Variants in NRIP1 observed in about 807,000 individuals in gnomAD.
NRIP1 encodes the protein nuclear receptor interacting protein 1.
NRIP1 carries 28 observed loss-of-function variants against 75.0 expected under a neutral mutation model. That is an observed-to-expected ratio of 0.37 (90% CI 0.28 to 0.51). The LOEUF is 0.51. Ranked by LOEUF, NRIP1 falls within the 20% of genes least tolerant of loss-of-function variation. The pLI is 0.92. For missense variants in NRIP1, 1,435 were observed against 1,343.7 expected, an observed-to-expected ratio of 1.07 and a Z score of -1.06; for synonymous variants, 526 against 487.6, an observed-to-expected ratio of 1.08 and a Z score of -1.04.
intron 3 of NRIP1, among the ~76,000 whole-genome samples, chr21:15,004,423 C>T (rs1426987789): frequency 6.6e-6 from 1 of 152,186 alleles, no homozygotes; most frequent in Non-Finnish European, 1.5e-5. Context: ...AAGAAAATAT[C>T]AACCACAAAA....
intron 2 of NRIP1, among the ~76,000 whole-genome samples, chr21:15,014,716 T>C (rs1308733454): frequency 1.3e-5 from 2 of 152,156 alleles, no homozygotes; most frequent in African/African-American, 4.8e-5. Context: ...AGGTTTATAG[T>C]TGCTAGGATG....
At chr21:15,015,599 T>C (rs1357106393) in intron 2 of NRIP1, among the ~76,000 whole-genome samples, 2 of 152,076 alleles carry the variant, frequency 1.3e-5, no homozygotes, top group Non-Finnish European at 2.9e-5. Context: ...ATGAAAAAAT[T>C]AGAAATAGTT....
At chr21:14,992,000 T>A (rs1368918927) in intron 3 of NRIP1, among the ~76,000 whole-genome samples, 1 of 152,138 alleles carries the variant, frequency 6.6e-6, no homozygotes, top group Non-Finnish European at 1.5e-5. Context: ...TTCTCCTCTA[T>A]TCTAAATATT....
Position 14,961,805 on chromosome 21 carries a change from T to TCTGGACATGCATGCAC in NRIP1, c.*2910_*2911insGTGCATGCATGTCCAG, listed in dbSNP as rs1333973580. On this transcript the variant is annotated 3_prime_UTR_variant, in exon 4 of 4. Transcript: ENST00000318948. ...ATACATTTGTCCAGACTTGCAACTG[T>TCTGGACATGCATGCAC]ATACATACATGCACAACTTTTAAAC... 6.6e-6 allele frequency: 1 copy of TCTGGACATGCATGCAC among 152,210 alleles called. No individual in the cohort carries two copies. The highest frequency in any genetic ancestry group is 1.5e-5 in the Non-Finnish European group (1 of 67,848). 9.4% of individuals were successfully genotyped at this position (152,210 alleles called of 1,614,324 possible).
intron 1 of NRIP1, 50 bp from the exon 2 acceptor site, chr21:15,043,624 G>T (rs1325527327): frequency 6.6e-6 from 1 of 152,058 alleles, no homozygotes; most frequent in Non-Finnish European, 1.5e-5. Flanking sequence ...TTATCTCAAA[G>T]ATTTGTTTTA....
At chr21:15,026,279 T>G (rs1448828081) in intron 2 of NRIP1, among the ~76,000 whole-genome samples, 1 of 152,156 alleles carries the variant, frequency 6.6e-6, no homozygotes, top group Non-Finnish European at 1.5e-5. Flanking sequence ...AAAAAACACA[T>G]GAAAAGATGT....
intron 3 of NRIP1, among the ~76,000 whole-genome samples, chr21:15,007,894 AT>A (rs1190474096): frequency 7.2e-5 from 11 of 152,200 alleles, no homozygotes; most frequent in Non-Finnish European, 1.0e-4. Flanking sequence ...AAGTCCTCAA[AT>A]TCCAGCTTGC....
At chr21:15,041,846 ATAATT>A (rs1405566212) in intron 2 of NRIP1, among the ~76,000 whole-genome samples, 1 of 152,180 alleles carries the variant, frequency 6.6e-6, no homozygotes, top group Non-Finnish European at 1.5e-5. Context: ...TTCTGATCAT[ATAATT>A]TATTTTACTG....
At chr21:15,042,045 A>G (rs895325426) in intron 2 of NRIP1, among the ~76,000 whole-genome samples, 2 of 152,216 alleles carry the variant, frequency 1.3e-5, no homozygotes, top group African/African-American at 2.4e-5. Flanking sequence ...TAAAAGTTCA[A>G]TGCAGCATGC....
chr21:14,993,650 T>C (rs1170904885), intron 3 of NRIP1, among the ~76,000 whole-genome samples: 1 of 152,018 alleles, frequency 6.6e-6, no homozygotes, highest in Non-Finnish European at 1.5e-5. Context: ...CTGGGTGTGG[T>C]GGCACGTGCC....
chr21:15,054,161 T>C (rs1400017034), intron 1 of NRIP1, among the ~76,000 whole-genome samples: 1 of 152,178 alleles, frequency 6.6e-6, no homozygotes, highest in Non-Finnish European at 1.5e-5. Flanking sequence ...ACTTACCAAG[T>C]TCTGAATCAT....
At chr21:15,035,471 A>C (rs2088810177) in intron 2 of NRIP1, among the ~76,000 whole-genome samples, 1 of 152,078 alleles carries the variant, frequency 6.6e-6, no homozygotes, top group African/African-American at 2.4e-5. Flanking sequence ...AGTAACCAAG[A>C]TGAAGAGAGG....
upstream of NRIP1, among the ~76,000 whole-genome samples, chr21:15,065,405 G>A (rs1978803079): frequency 6.6e-6 from 1 of 152,032 alleles, no homozygotes; most frequent in African/African-American, 2.4e-5. Context: ...GCTCCTCCTG[G>A]GGACCGGGGA....
intron 2 of NRIP1, among the ~76,000 whole-genome samples, chr21:15,042,569 T>C (rs2088980574): frequency 6.6e-6 from 1 of 152,232 alleles, no homozygotes; most frequent in South Asian, 2.1e-4. Context: ...GATTAGATCA[T>C]GAGGGCAATG....
intron 3 of NRIP1, among the ~76,000 whole-genome samples, chr21:14,982,176 T>G (rs975390659): frequency 1.3e-5 from 2 of 152,196 alleles, no homozygotes; most frequent in African/African-American, 4.8e-5. Context: ...TTAAGTTACT[T>G]AAATCTTTAC....
intron 2 of NRIP1, among the ~76,000 whole-genome samples, chr21:15,031,939 G>A (rs1054116972): frequency 2.1e-5 from 3 of 145,300 alleles, no homozygotes. Flanking sequence ...TCTGAAAGGT[G>A]CTCAAAGGAC....
At chr21:15,003,684 C>G (rs771819085) in intron 3 of NRIP1, among the ~76,000 whole-genome samples, 31 of 152,202 alleles carry the variant, frequency 2.0e-4, no homozygotes, top group Non-Finnish European at 4.6e-4. Flanking sequence ...AGGAGGCAGG[C>G]TTGCTACAAG....
At chr21:15,016,599 T>C (rs776715374) in intron 2 of NRIP1, among the ~76,000 whole-genome samples, 7 of 152,114 alleles carry the variant, frequency 4.6e-5, no homozygotes, top group African/African-American at 7.2e-5. Flanking sequence ...TATTTGAGAA[T>C]GCTGGCCGGG....
At chr21:15,004,843 A>G (rs2087927800) in intron 3 of NRIP1, among the ~76,000 whole-genome samples, 1 of 152,240 alleles carries the variant, frequency 6.6e-6, no homozygotes, top group Non-Finnish European at 1.5e-5. Context: ...CAAATGGATA[A>G]AAGTGAGGAA....
Sources: gnomAD v4.1 joint callset for allele counts (sites outside exome capture counted in the v4.1 genomes callset) on GRCh38, gnomAD v4.1.1 for gene constraint, MANE v1.5 for transcripts, NCBI Gene and HGNC (gene_info 2026-07-23, HGNC 2026-07-21) for gene names.